Variants in EIF4E observed in about 807,000 individuals in gnomAD.
The protein encoded by EIF4E is eukaryotic translation initiation factor 4E, also known as eIF-4F 25 kDa subunit.
For missense variants in EIF4E, 113 were observed against 265.6 expected (o/e 0.43, Z 3.99); for synonymous variants, 71 against 88.5 (o/e 0.80, Z 1.11).
chr4:98,886,480 G>A (rs1723925374), intron 5 of EIF4E: 3 of 444,512 alleles, frequency 6.7e-6, no homozygotes, highest in Non-Finnish European at 9.0e-6. Context: ...TTGGGAGGCT[G>A]AAGTGGGAGG....
chr4:98,922,553 CAAA>C (rs1157510228), intron 1 of EIF4E, among the ~76,000 whole-genome samples: 9 of 74,112 alleles, frequency 1.2e-4, no homozygotes, highest in Non-Finnish European at 1.4e-4. Flanking sequence ...GACGCTGTCT[CAAA>C]AAAAAAAAAA....
At chr4:98,891,604 A>G (rs574435813) in intron 2 of EIF4E, 5 of 382,828 alleles carry the variant, frequency 1.3e-5, no homozygotes, top group Non-Finnish European at 2.3e-5. Flanking sequence ...TATATGAGGT[A>G]TAAGAAGTCA....
chr4:98,887,297 T>C lies in EIF4E; in HGVS notation c.286-105A>G. ...ACAACACTGTCAACTTCTTACTTTA[T>C]TGCCCATAAAACTGCCATTGATGTA... On this transcript the variant is annotated intron_variant, in intron 4 of 6. Coordinates refer to ENST00000450253, the MANE Select transcript of EIF4E (RefSeq NM_001968.5). The surrounding 1 kb of genome is among the most constrained non-coding windows in gnomAD (Gnocchi z 4.0). 1 of 1,216,062 alleles carries C rather than the reference T, an allele frequency of 8.2e-7. No homozygotes were observed. The highest frequency in any genetic ancestry group is 1.2e-6 in the Non-Finnish European group (1 of 822,706). The allele number at this position is 1,216,062 out of a possible 1,614,324, so 75.3% of individuals were successfully genotyped here.
intron 3 of EIF4E, 63 bp from the exon 4 acceptor site, chr4:98,888,015 A>C: frequency 7.7e-7 from 1 of 1,293,980 alleles, no homozygotes; most frequent in Non-Finnish European, 1.1e-6. Context: ...AGGTGCTTAC[A>C]TATATATACA....
chr4:98,906,204 A>T (rs1312257090), intron 1 of EIF4E, among the ~76,000 whole-genome samples: 1 of 152,148 alleles, frequency 6.6e-6, no homozygotes, highest in Non-Finnish European at 1.5e-5. Context: ...ACTCACAGGA[A>T]CTTCCAAAAA....
chr4:98,909,486 G>A lies in EIF4E; in HGVS notation c.19-7504C>T, dbSNP rs182152712. 4.1e-5 allele frequency: 23 copies of A among 565,734 alleles called. No individual in the cohort carries two copies. The East Asian group carries it at 5.6e-4, about 14-fold the overall frequency. The allele number at this position is 565,734 out of a possible 1,614,324, so 35.0% of individuals were successfully genotyped here. On this transcript the variant is annotated intron_variant, in intron 1 of 6. Coordinates refer to ENST00000450253, the MANE Select transcript of EIF4E (RefSeq NM_001968.5). Reference sequence around the variant, plus strand: ...CAGCAGTGGTCAAAAATAATGAAATGTAAACTGGACCCCATGATTTAATGC... The same window carrying A: ...CAGCAGTGGTCAAAAATAATGAAATATAAACTGGACCCCATGATTTAATGC...
At chr4:98,915,494 T>C (rs2110215070) in intron 1 of EIF4E, among the ~76,000 whole-genome samples, 1 of 152,074 alleles carries the variant, frequency 6.6e-6, no homozygotes, top group East Asian at 1.9e-4. Context: ...ATTCCAATAA[T>C]CTGCCCATCC....
At chr4:98,928,943 C>G (rs1269455461) in intron 1 of EIF4E, 152 bp downstream of exon 1, 2 of 1,577,928 alleles carry the variant, frequency 1.3e-6, no homozygotes, top group Non-Finnish European at 1.7e-6. Context: ...GGGACGTCCC[C>G]ACTTGTCCGC....
chr4:98,917,108 AC>A (rs1725412054), intron 1 of EIF4E, among the ~76,000 whole-genome samples: 3 of 78,040 alleles, frequency 3.8e-5, no homozygotes, highest in Non-Finnish European at 6.4e-5. Flanking sequence ...ACACACACAC[AC>A]ACACACACAC....
At chr4:98,919,105 A>G (rs1725533665) in intron 1 of EIF4E, among the ~76,000 whole-genome samples, 1 of 152,066 alleles carries the variant, frequency 6.6e-6, no homozygotes, top group Admixed American at 6.6e-5. Context: ...TCAAGAGATC[A>G]AGACCATCCT....
At chr4:98,917,130 AC>A (rs1327891089) in intron 1 of EIF4E, among the ~76,000 whole-genome samples, 1,334 of 40,992 alleles carry the variant, frequency 0.033, 10 homozygotes, top group East Asian at 0.054. Flanking sequence ...ACACACACAC[AC>A]ACAAAAAAAA....
intron 1 of EIF4E, among the ~76,000 whole-genome samples, chr4:98,918,101 G>A (rs1337655771): frequency 2.7e-5 from 4 of 147,016 alleles, no homozygotes; most frequent in Middle Eastern, 3.6e-3. Flanking sequence ...GGTGGCTCAC[G>A]CCTGTAATCC....
At chr4:98,892,898 A>G (rs1273541577) in intron 2 of EIF4E, among the ~76,000 whole-genome samples, 2 of 152,176 alleles carry the variant, frequency 1.3e-5, no homozygotes, top group Admixed American at 6.5e-5. Context: ...ATATCTGTAT[A>G]TACTTCTCTT....
chr4:98,881,758 G>A (rs1391775169), intron 6 of EIF4E, among the ~76,000 whole-genome samples: 2 of 152,180 alleles, frequency 1.3e-5, no homozygotes, highest in Non-Finnish European at 2.9e-5. Context: ...GAGGGAGAAT[G>A]TAATTTCTGC....
At chr4:98,917,133 CAA>C (rs756226013) in intron 1 of EIF4E, among the ~76,000 whole-genome samples, 13,398 of 54,978 alleles carry the variant, frequency 0.24, 710 homozygotes, top group Admixed American at 0.29. Context: ...CACACACACA[CAA>C]AAAAAACCCA....
At chr4:98,891,213 A>G in intron 3 of EIF4E, 24 bp downstream of exon 3, 9 of 1,611,708 alleles carry the variant, frequency 5.6e-6, no homozygotes, top group African/African-American at 1.3e-5. Flanking sequence ...AACAACAAAC[A>G]TACTAAAACA....
intron 1 of EIF4E, 112 bp from the exon 2 acceptor site, chr4:98,902,094 A>T (rs1724677522): frequency 3.2e-6 from 3 of 942,148 alleles, no homozygotes; most frequent in Non-Finnish European, 4.9e-6. Flanking sequence ...TTTGAGACAG[A>T]GTCTCTCTCT....
chr4:98,907,335 G>C (rs1211083717), intron 1 of EIF4E, among the ~76,000 whole-genome samples: 1 of 152,012 alleles, frequency 6.6e-6, no homozygotes, highest in African/African-American at 2.4e-5. Context: ...TGTACTGAAG[G>C]CATCATATCT....
chr4:98,891,345 A>G lies in EIF4E; in HGVS notation c.126-13T>C. The G allele has an allele frequency of 6.2e-7, 1 of 1,607,102 alleles. No homozygotes were observed. The highest frequency in any genetic ancestry group is 8.5e-7 in the Non-Finnish European group (1 of 1,176,674). On this transcript the variant is annotated splice_polypyrimidine_tract_variant and intron_variant, in intron 2 of 6. Transcript: ENST00000450253. ...CCAGAGTGCCCATCTAAAAATAAAA[A>G]ATCAGTGTCAAAAAATGGTAGCTGC... is the stretch of plus-strand genomic sequence containing the variant.
Sources: gnomAD v4.1 joint callset for allele counts (sites outside exome capture counted in the v4.1 genomes callset) on GRCh38, gnomAD v4.1.1 for gene constraint, Gnocchi (gnomAD v3.1) non-coding constraint, MANE v1.5 for transcripts, NCBI Gene and HGNC (gene_info 2026-07-23, HGNC 2026-07-21) for gene names.